ACACA: variants seen among roughly 807,000 people sequenced by gnomAD.
The protein encoded by ACACA is acetyl-CoA carboxylase 1.
Under a neutral mutation model 296.1 loss-of-function variants are expected in ACACA, and 103 were observed. The ratio of observed to expected loss-of-function variants is 0.35; its 90% CI spans 0.30 to 0.41. The LOEUF (loss-of-function observed/expected upper bound fraction) is 0.41, where lower values mean the gene tolerates loss of function less well. Among genes scored for constraint, ACACA ranks in the 10% least tolerant of loss-of-function variants. The pLI, the probability that ACACA is intolerant of heterozygous loss-of-function variation, is 1.00. For missense variants in ACACA, 1,554 were observed against 2,989.7 expected, an observed-to-expected ratio of 0.52 and a Z score of 11.20; for synonymous variants, 953 against 1,038.6, an observed-to-expected ratio of 0.92 and a Z score of 1.58.
chr17:37,252,972 G>A lies in ACACA; in HGVS notation c.1891C>T (p.Leu631=), dbSNP rs1185344215. The part of the protein sequence containing the change: ...RGDFRTTVEY[L]IKLLETESFQ... ...CTTTCAGTCTCTAACAATTTGATCAGGTATTCAACTGTAGTTCGAAAGTCA... is the reference window on the plus strand; with the variant it reads ...CTTTCAGTCTCTAACAATTTGATCAAGTATTCAACTGTAGTTCGAAAGTCA... Residue 631 remains leucine (L), a synonymous_variant, in exon 15 of 56, where the codon CTG becomes TTG. Coordinates refer to ENST00000616317, the MANE Select transcript of ACACA (RefSeq NM_198834.3). 2 of 1,614,156 alleles carry A rather than the reference G, an allele frequency of 1.2e-6. No individual in the cohort carries two copies. Among genetic ancestry groups the A allele is most frequent in the Non-Finnish European group, 1.7e-6 (2 of 1,180,028 alleles).
In ACACA at chr17:37,107,066, C is replaced by T. The variant is rs564618731; in HGVS notation, c.6565+4465G>A. On this transcript the variant is annotated intron_variant, in intron 52 of 55. Coordinates refer to ENST00000616317, the MANE Select transcript of ACACA (RefSeq NM_198834.3). Reference sequence around the variant, plus strand: ...GGAGGCAAGATCCCATATCTACCTTCGTGATAGAAAGCCTCGTGTTATTTC... The same window carrying T: ...GGAGGCAAGATCCCATATCTACCTTTGTGATAGAAAGCCTCGTGTTATTTC... 3.9e-5 allele frequency among the ~76,000 whole-genome samples: 6 copies of T among 152,324 alleles called. No homozygotes were observed. The South Asian group carries it at 8.3e-4, about 21-fold the overall frequency.
chr17:37,140,231 G>A (rs2075509044), intron 45 of ACACA, among the ~76,000 whole-genome samples: 1 of 152,120 alleles, frequency 6.6e-6, no homozygotes, highest in African/African-American at 2.4e-5. Flanking sequence ...AGCCACTTGT[G>A]ATTGTGAACA....
At chr17:37,384,578 G>C (rs2050446266) in intron 1 of ACACA, among the ~76,000 whole-genome samples, 1 of 151,662 alleles carries the variant, frequency 6.6e-6, no homozygotes. Flanking sequence ...AAAAAACACA[G>C]ATAACTTGTG....
intron 33 of ACACA, among the ~76,000 whole-genome samples, chr17:37,205,100 A>G (rs1232196360): frequency 6.6e-6 from 1 of 152,176 alleles, no homozygotes. Context: ...GCAAAGAAAA[A>G]CTAACAGACC....
chr17:37,195,604 T>C (rs986141534), intron 35 of ACACA, among the ~76,000 whole-genome samples: 8 of 152,052 alleles, frequency 5.3e-5, no homozygotes, highest in Non-Finnish European at 1.0e-4. Context: ...GAACAAGAGA[T>C]GGCAAGAACC....
At chr17:37,088,664 G>A (rs190540615) in intron 55 of ACACA, among the ~76,000 whole-genome samples, 1 of 152,202 alleles carries the variant, frequency 6.6e-6, no homozygotes, top group East Asian at 1.9e-4. Flanking sequence ...TTGTTCATCC[G>A]GTTTGAGTAT....
intron 43 of ACACA, among the ~76,000 whole-genome samples, chr17:37,151,685 C>T (rs755771518): frequency 9.2e-5 from 14 of 151,804 alleles, no homozygotes; most frequent in South Asian, 4.2e-4. Context: ...TTTTTTGAGG[C>T]GGAGTCTCGC....
intron 42 of ACACA, chr17:37,161,487 A>G (rs1463087766): frequency 9.0e-6 from 4 of 445,600 alleles, no homozygotes; most frequent in African/African-American, 6.0e-5. Context: ...ATAAAGATAT[A>G]TATTTTTGAT....
At chr17:37,196,340 C>T (rs550905886) in intron 35 of ACACA, among the ~76,000 whole-genome samples, 2 of 151,892 alleles carry the variant, frequency 1.3e-5, no homozygotes, top group South Asian at 4.2e-4. Context: ...ATATAGTGAG[C>T]TCTTCCTTCA....
At chr17:37,247,114 T>TTGTTTACAA (rs1278505719) in intron 18 of ACACA, 138 bp from the exon 19 acceptor site, 1 of 917,778 alleles carries the variant, frequency 1.1e-6, no homozygotes, top group African/African-American at 1.6e-5. Flanking sequence ...CACTGCATAT[T>TTGTTTACAA]TGTTTACAAT....
intron 42 of ACACA, among the ~76,000 whole-genome samples, chr17:37,158,740 C>T (rs1236497231): frequency 6.6e-6 from 1 of 152,112 alleles, no homozygotes; most frequent in Non-Finnish European, 1.5e-5. Flanking sequence ...TCCTTCTACC[C>T]TACTTTCTAT....
chr17:37,348,125 T>TG (rs1394188888), intron 1 of ACACA, among the ~76,000 whole-genome samples: 5 of 149,694 alleles, frequency 3.3e-5, no homozygotes, highest in African/African-American at 1.2e-4. Context: ...GTACCCAACC[T>TG]GGGTGACTGA....
chr17:37,247,931 G>T, intron 18 of ACACA, 80 bp downstream of exon 18: 1 of 1,580,214 alleles, frequency 6.3e-7, no homozygotes. Flanking sequence ...GAAAAGCCTG[G>T]GAAAATCCCA....
intron 28 of ACACA, 145 bp from the exon 29 acceptor site, chr17:37,221,987 A>T: frequency 5.8e-6 from 4 of 692,454 alleles, no homozygotes; most frequent in Non-Finnish European, 1.0e-5. Flanking sequence ...ATACGTACAT[A>T]TATTGCTTTA....
chr17:37,098,119 C>T (rs1388157809), intron 52 of ACACA, 135 bp from the exon 53 acceptor site: 20 of 1,114,022 alleles, frequency 1.8e-5, no homozygotes, highest in Middle Eastern at 2.5e-4. Flanking sequence ...CCGTTGTCTT[C>T]TCTGCTCTTT....
chr17:37,326,333 C>T (rs1304203807), intron 3 of ACACA, among the ~76,000 whole-genome samples: 4 of 151,490 alleles, frequency 2.6e-5, no homozygotes, highest in Admixed American at 2.0e-4. Context: ...GTTGGGAGTT[C>T]GAGTCTAGCC....
chr17:37,342,081 T>A (rs538556087), intron 1 of ACACA, among the ~76,000 whole-genome samples: 122 of 152,122 alleles, frequency 8.0e-4, no homozygotes, highest in Middle Eastern at 3.4e-3. Context: ...TTATATAAAA[T>A]TGTTGACAAT....
chr17:37,329,528 C>A (rs1010882970), intron 3 of ACACA, among the ~76,000 whole-genome samples: 1 of 151,604 alleles, frequency 6.6e-6, no homozygotes, highest in African/African-American at 2.4e-5. Flanking sequence ...GTAGTCCCAG[C>A]TATTCAGGAG....
At chr17:37,142,832 G>T (rs1427921105) in intron 45 of ACACA, among the ~76,000 whole-genome samples, 2 of 152,224 alleles carry the variant, frequency 1.3e-5, no homozygotes, top group Non-Finnish European at 2.9e-5. Context: ...GTCAATACAT[G>T]AATGTACTGC....
Sources: allele counts gnomAD v4.1 joint callset (sites outside exome capture counted in the v4.1 genomes callset), GRCh38; gene constraint gnomAD v4.1.1; transcripts MANE v1.5; gene names NCBI Gene and HGNC (gene_info 2026-07-23, HGNC 2026-07-21).